Variants in SGCZ observed in about 807,000 individuals in gnomAD.
SGCZ encodes the protein sarcoglycan zeta, also known as zeta-sarcoglycan.
A neutral mutation model predicts 41.3 loss-of-function variants in SGCZ; 40 were observed. That is an observed-to-expected ratio of 0.97 (90% CI 0.75 to 1.26). The LOEUF (loss-of-function observed/expected upper bound fraction) is 1.26, where lower values mean the gene tolerates loss of function less well. SGCZ is among the 50% of genes most tolerant of loss of function. The probability of loss-of-function intolerance (pLI) is 0.00; values close to 1 mark genes in which losing one functional copy is unlikely to be tolerated. For missense variants in SGCZ, 552 were observed against 369.8 expected (o/e 1.49, Z -4.04); for synonymous variants, 206 against 137.5 (o/e 1.50, Z -3.49).
At chr8:14,343,806 G>A (rs956054820) in intron 2 of SGCZ, among the ~76,000 whole-genome samples, 1 of 151,964 alleles carries the variant, frequency 6.6e-6, no homozygotes, top group East Asian at 1.9e-4. Context: ...ACATTATAGA[G>A]AGTATTTATC....
chr8:14,717,857 T>G (rs1005090409), intron 1 of SGCZ, among the ~76,000 whole-genome samples: 4 of 151,892 alleles, frequency 2.6e-5, no homozygotes, highest in Admixed American at 6.6e-5. Context: ...CTTCCTAAAT[T>G]CTCCTATAAC....
chr8:14,734,984 G>A (rs1054596768), intron 1 of SGCZ, among the ~76,000 whole-genome samples: 1 of 152,158 alleles, frequency 6.6e-6, no homozygotes, highest in East Asian at 1.9e-4. Context: ...ATGTAGTGGA[G>A]TCTCAACTTC....
chr8:14,391,313 G>T (rs1009573444), intron 2 of SGCZ, among the ~76,000 whole-genome samples: 2 of 151,762 alleles, frequency 1.3e-5, no homozygotes, highest in Admixed American at 6.6e-5. Context: ...TCTTATAAAA[G>T]TTGTATACAA....
chr8:14,841,433 G>T (rs564740401), intron 1 of SGCZ, among the ~76,000 whole-genome samples: 1 of 152,202 alleles, frequency 6.6e-6, no homozygotes, highest in South Asian at 2.1e-4. Context: ...GGTATTTAAA[G>T]AACTAAAATT....
intron 1 of SGCZ, among the ~76,000 whole-genome samples, chr8:14,632,576 G>T (rs1484633672): frequency 1.3e-5 from 2 of 152,032 alleles, no homozygotes; most frequent in East Asian, 1.9e-4. Flanking sequence ...TAAATTGAAA[G>T]AATTCATCTA....
chr8:14,109,165 A>T (rs909282698), intron 5 of SGCZ, among the ~76,000 whole-genome samples: 9 of 152,208 alleles, frequency 5.9e-5, no homozygotes, highest in African/African-American at 2.2e-4. Flanking sequence ...ACTGCTTTAA[A>T]TTCTGGTGTT....
intron 1 of SGCZ, among the ~76,000 whole-genome samples, chr8:14,807,607 C>T (rs1801584429): frequency 6.6e-6 from 1 of 151,766 alleles, no homozygotes; most frequent in Non-Finnish European, 1.5e-5. Flanking sequence ...AAGAACATTC[C>T]ATGCTCAAGG....
chr8:14,985,209 A>C (rs1463190348), intron 1 of SGCZ, among the ~76,000 whole-genome samples: 4 of 151,978 alleles, frequency 2.6e-5, no homozygotes, highest in African/African-American at 9.7e-5. Context: ...ACTGAAATTA[A>C]AGAAAACTGT....
At chr8:14,414,875 T>C (rs371763624) in intron 2 of SGCZ, among the ~76,000 whole-genome samples, 2 of 152,022 alleles carry the variant, frequency 1.3e-5, no homozygotes, top group African/African-American at 2.4e-5. Context: ...GAAGTTTTAA[T>C]GTGAGTGGTA....
chr8:14,210,813 T>C (rs1031608013), intron 4 of SGCZ, among the ~76,000 whole-genome samples: 2 of 152,164 alleles, frequency 1.3e-5, no homozygotes, highest in African/African-American at 2.4e-5. Flanking sequence ...GTGGTCACTA[T>C]TTGCCAAAGA....
chr8:14,372,535 T>C (rs547359729), intron 2 of SGCZ, among the ~76,000 whole-genome samples: 12 of 152,158 alleles, frequency 7.9e-5, no homozygotes, highest in African/African-American at 2.9e-4. Context: ...AAAAGGGCCA[T>C]GAATAACAGA....
At chr8:14,335,013 T>C (rs1296132932) in intron 2 of SGCZ, among the ~76,000 whole-genome samples, 2 of 152,222 alleles carry the variant, frequency 1.3e-5, no homozygotes, top group East Asian at 3.9e-4. Flanking sequence ...GAGGAACTAT[T>C]AGGTAAATGT....
At chr8:14,346,992 T>C (rs1374077189) in intron 2 of SGCZ, among the ~76,000 whole-genome samples, 1 of 152,204 alleles carries the variant, frequency 6.6e-6, no homozygotes, top group East Asian at 1.9e-4. Context: ...ATTTTCATAA[T>C]AAAATGCTTA....
chr8:14,353,806 C>G (rs904476538), intron 2 of SGCZ, among the ~76,000 whole-genome samples: 1 of 151,928 alleles, frequency 6.6e-6, no homozygotes, highest in South Asian at 2.1e-4. Context: ...CTCCTAGAGA[C>G]CTAAGGATGA....
At chr8:14,337,347 G>C (rs1802541176) in intron 2 of SGCZ, among the ~76,000 whole-genome samples, 1 of 152,136 alleles carries the variant, frequency 6.6e-6, no homozygotes, top group South Asian at 2.1e-4. Context: ...TTTAGAAGGA[G>C]TGACAAGCCC....
intron 2 of SGCZ, among the ~76,000 whole-genome samples, chr8:14,471,346 T>C (rs910951465): frequency 6.6e-6 from 1 of 152,164 alleles, no homozygotes; most frequent in Non-Finnish European, 1.5e-5. Flanking sequence ...ATCATACTTA[T>C]AGAAATAGTA....
intron 2 of SGCZ, among the ~76,000 whole-genome samples, chr8:14,449,608 C>T (rs1800533309): frequency 6.6e-6 from 1 of 152,114 alleles, no homozygotes; most frequent in South Asian, 2.1e-4. Flanking sequence ...CATCGTCCCT[C>T]CACAGTATGA....
At chr8:14,859,956 ACT>A (rs1161120151) in intron 1 of SGCZ, among the ~76,000 whole-genome samples, 5 of 152,150 alleles carry the variant, frequency 3.3e-5, no homozygotes, top group Non-Finnish European at 5.9e-5. Context: ...GTCTTGAATG[ACT>A]CTATAATTTT....
rs1289282218 is a variant in SGCZ at position 14,702,847 on chromosome 8, A to AGATAGATAGATAGAT, written c.40-147936_40-147922dup. Among the ~76,000 whole-genome samples, 7 of 136,426 alleles carry AGATAGATAGATAGAT rather than the reference A, an allele frequency of 5.1e-5. 1 individual carries two copies. The highest frequency in any genetic ancestry group is 1.8e-4 in the African/African-American group (7 of 38,008). The allele number at this position is 136,426 out of a possible 152,430, so 89.5% of individuals were successfully genotyped here. On this transcript the variant is annotated intron_variant, in intron 1 of 7. Coordinates refer to ENST00000382080, the MANE Select transcript of SGCZ (RefSeq NM_139167.4). The stretch of plus-strand genomic sequence containing the variant: ...TAGATAGATAGATAGATAGATAGAT[A>AGATAGATAGATAGAT]GATAGATAGATAGATAGATAGATAG...
Sources: gnomAD v4.1 joint callset for allele counts (sites outside exome capture counted in the v4.1 genomes callset) on GRCh38, gnomAD v4.1.1 for gene constraint, MANE v1.5 for transcripts, NCBI Gene and HGNC (gene_info 2026-07-23, HGNC 2026-07-21) for gene names.